The following AKAP6 variants were observed in gnomAD, a reference collection of about 807,000 sequenced individuals.
AKAP6 encodes the protein A-kinase anchor protein 6.
Under a neutral mutation model 188.5 loss-of-function variants are expected in AKAP6, and 58 were observed. The ratio of observed to expected loss-of-function variants is 0.31; its 90% CI spans 0.25 to 0.38. The LOEUF is 0.38. Ranked by LOEUF, AKAP6 falls within the 10% of genes least tolerant of loss-of-function variation. The pLI, the probability that AKAP6 is intolerant of heterozygous loss-of-function variation, is 1.00. For missense variants in AKAP6, 2,710 were observed against 2,740.0 expected, an observed-to-expected ratio of 0.99 and a Z score of 0.24; for synonymous variants, 989 against 998.6, an observed-to-expected ratio of 0.99 and a Z score of 0.18.
Position 32,433,630 on chromosome 14 carries a change from T to C in AKAP6, c.137T>C (p.Met46Thr). The change falls in exon 2 of 14, where the codon ATG becomes ACG. Residue 46 changes from methionine to threonine, a missense_variant. Transcript: ENST00000280979. ...GAGGGAGAAGAGGCAATGAAGGACA[T>C]GGACTCTGACCAGCAGTATGAAAAG... is the stretch of plus-strand genomic sequence containing the variant. ...QGEGEEAMKD[M>T]DSDQQYEKPP... 6.2e-7 allele frequency: 1 copy of C among 1,614,126 alleles called. No homozygotes were observed. Among genetic ancestry groups the C allele is most frequent in the Non-Finnish European group, 8.5e-7 (1 of 1,180,020 alleles).
chr14:32,545,998 C>G lies in AKAP6; in HGVS notation c.1345C>G (p.Pro449Ala), dbSNP rs1251452563. The stretch of plus-strand genomic sequence containing the variant: ...ATTGCAGTCTTCTTACCCCAACAGC[C>G]CTTCTGCTGCCAGCCAGTCTTATGA... The part of the protein sequence containing the change: ...LVLQSSYPNS[P>A]SAASQSYECL... Residue 449 changes from proline to alanine, a missense_variant, in exon 4 of 14, where the codon CCT becomes GCT. This residue lies in a region of AKAP6 where 2,473 missense variants were observed against 2,426.1 expected (regional missense o/e 1.02). Coordinates refer to ENST00000280979, the MANE Select transcript of AKAP6 (RefSeq NM_004274.5). The G allele has an allele frequency of 6.2e-7, 1 of 1,614,144 alleles. No individual in the cohort carries two copies.
At chr14:32,537,598 C>T (rs1481135896) in intron 3 of AKAP6, among the ~76,000 whole-genome samples, 4 of 152,196 alleles carry the variant, frequency 2.6e-5, no homozygotes, top group African/African-American at 9.6e-5. Context: ...ACCCAGTGCT[C>T]TGTCCAACAT....
chr14:32,358,904 C>T (rs556219530), intron 1 of AKAP6, among the ~76,000 whole-genome samples: 3 of 152,262 alleles, frequency 2.0e-5, no homozygotes, highest in East Asian at 1.9e-4. Context: ...TCTGGTAAAA[C>T]GCTGCATCAG....
At chr14:32,749,658 G>A (rs1363984056) in intron 11 of AKAP6, among the ~76,000 whole-genome samples, 2 of 152,152 alleles carry the variant, frequency 1.3e-5, no homozygotes, top group East Asian at 1.9e-4. Context: ...TGATTGAGTC[G>A]TTTTTAAAGT....
At chr14:32,339,622 C>A (rs1428483464) in intron 1 of AKAP6, among the ~76,000 whole-genome samples, 3 of 152,096 alleles carry the variant, frequency 2.0e-5, no homozygotes, top group South Asian at 2.1e-4. Flanking sequence ...AATCATGAAT[C>A]CCCAGCTGTA....
At position 32,824,173 on chromosome 14, in the gene AKAP6, T is replaced by TGA. The variant is rs2034612242; in HGVS notation, c.6361_6362dup (p.Asp2121GlufsTer10). 1 of 1,613,706 alleles carries TGA rather than the reference T, an allele frequency of 6.2e-7. No individual in the cohort carries two copies. The highest frequency in any genetic ancestry group is 8.5e-7 in the Non-Finnish European group (1 of 1,179,908). On this transcript the variant is annotated frameshift_variant, in exon 13 of 14. Transcript: ENST00000280979. LOFTEE classifies it high-confidence loss of function. ...ACTTATCTCTCTCATCTCATGACAG[T>TGA]GATTGTGGGGAGGTCACCAATTACA...
chr14:32,579,587 G>C (rs78902977), intron 5 of AKAP6, among the ~76,000 whole-genome samples: 6,261 of 152,068 alleles, frequency 0.041, 172 homozygotes, highest in East Asian at 0.1. Flanking sequence ...TTCTTAAAGC[G>C]CAATCAAGAG....
At position 32,636,589 on chromosome 14, in the gene AKAP6, TCATAATG is replaced by T. The variant is rs570190128; in HGVS notation, c.2730+35798_2730+35804del. Among the ~76,000 whole-genome samples, 14 of 152,050 alleles carry T rather than the reference TCATAATG, an allele frequency of 9.2e-5. No homozygotes were observed. In the East Asian group the frequency reaches 2.3e-3, roughly 25 times the overall value. ...TGTGCTGTGAGTGCAGTGTGGTAAG[TCATAATG>T]GTAGAGAAGGATGTCTACACTGGGA... is the stretch of plus-strand genomic sequence containing the variant. On this transcript the variant is annotated intron_variant, in intron 7 of 13. Coordinates refer to ENST00000280979, the MANE Select transcript of AKAP6 (RefSeq NM_004274.5).
chr14:32,464,424 TG>T (rs1878268165), intron 2 of AKAP6, among the ~76,000 whole-genome samples: 1 of 152,220 alleles, frequency 6.6e-6, no homozygotes, highest in African/African-American at 2.4e-5. Flanking sequence ...ATCCCTGGGA[TG>T]CAAGGCTTGT....
At chr14:32,330,805 ATTTG>A (rs948501701) in intron 1 of AKAP6, among the ~76,000 whole-genome samples, 3 of 131,024 alleles carry the variant, frequency 2.3e-5, no homozygotes, top group African/African-American at 9.0e-5. Flanking sequence ...TCAGGTTTTA[ATTTG>A]TTTGTTTATA....
chr14:32,455,364 G>A (rs1335317128), intron 2 of AKAP6, among the ~76,000 whole-genome samples: 1 of 152,058 alleles, frequency 6.6e-6, no homozygotes, highest in Non-Finnish European at 1.5e-5. Flanking sequence ...TTTCTCTTTT[G>A]CTATATATAA....
At chr14:32,446,425 C>T (rs1026723629) in intron 2 of AKAP6, among the ~76,000 whole-genome samples, 2 of 152,040 alleles carry the variant, frequency 1.3e-5, no homozygotes, top group Non-Finnish European at 2.9e-5. Context: ...ACAAGGTTTC[C>T]TTTTCATTTT....
At chr14:32,533,666 A>G (rs894226677) in intron 2 of AKAP6, among the ~76,000 whole-genome samples, 14 of 152,162 alleles carry the variant, frequency 9.2e-5, no homozygotes. Flanking sequence ...AGGACAAAAG[A>G]TACAGGCATT....
chr14:32,561,172 T>C (rs1448863933), intron 4 of AKAP6, among the ~76,000 whole-genome samples: 3 of 152,174 alleles, frequency 2.0e-5, no homozygotes, highest in Non-Finnish European at 4.4e-5. Flanking sequence ...TTGTCATGCC[T>C]TTGCTCAGAT....
chr14:32,506,207 C>T (rs970267201), intron 2 of AKAP6, among the ~76,000 whole-genome samples: 2 of 152,026 alleles, frequency 1.3e-5, no homozygotes, highest in African/African-American at 4.8e-5. Flanking sequence ...TAATAAACTG[C>T]AAATGCCATA....
chr14:32,703,188 G>A (rs1385267028), intron 9 of AKAP6, among the ~76,000 whole-genome samples: 1 of 152,150 alleles, frequency 6.6e-6, no homozygotes, highest in Non-Finnish European at 1.5e-5. Flanking sequence ...AAGGCGGGGA[G>A]AGGGGGGCTT....
chr14:32,751,189 A>C (rs552758110), intron 11 of AKAP6, among the ~76,000 whole-genome samples: 1 of 152,144 alleles, frequency 6.6e-6, no homozygotes, highest in African/African-American at 2.4e-5. Context: ...ACTTTCCACT[A>C]AAAATGTATT....
intron 5 of AKAP6, among the ~76,000 whole-genome samples, chr14:32,580,767 T>C (rs1014956184): frequency 6.6e-6 from 1 of 151,690 alleles, no homozygotes; most frequent in South Asian, 2.1e-4. Context: ...TGTGTTCTCA[T>C]TGTTCAATTC....
chr14:32,624,711 A>C (rs1290330887), intron 7 of AKAP6, among the ~76,000 whole-genome samples: 1 of 152,132 alleles, frequency 6.6e-6, no homozygotes, highest in Non-Finnish European at 1.5e-5. Flanking sequence ...ACAACCCTAT[A>C]ATTAGGAAGA....
Sources: allele counts gnomAD v4.1 joint callset (sites outside exome capture counted in the v4.1 genomes callset), GRCh38; gene constraint gnomAD v4.1.1; regional missense constraint gnomAD v4.1.1; transcripts MANE v1.5; gene names NCBI Gene and HGNC (gene_info 2026-07-23, HGNC 2026-07-21).